The following SRI variants were observed in gnomAD, a reference collection of about 807,000 sequenced individuals.
SRI encodes the protein 22 kDa protein.
A neutral mutation model predicts 33.3 loss-of-function variants in SRI; 30 were observed. The ratio of observed to expected loss-of-function variants is 0.90; its 90% CI spans 0.67 to 1.22. The LOEUF (loss-of-function observed/expected upper bound fraction) is 1.22. Ranked by LOEUF, SRI falls within the 50% of genes most tolerant of loss-of-function variation. The pLI is 0.00. For synonymous variants in SRI, 75 were observed against 89.9 expected (o/e 0.83, Z 0.94); for missense variants, 243 against 250.8 (o/e 0.97, Z 0.21).
intron 3 of SRI, 40 bp downstream of exon 3, chr7:88,217,082 C>A (rs752409162): frequency 6.4e-7 from 1 of 1,573,148 alleles, no homozygotes; most frequent in Admixed American, 1.7e-5. Flanking sequence ...ATAGGAAACA[C>A]AAGAGTATAT....
intron 3 of SRI, chr7:88,216,858 A>G: frequency 2.0e-6 from 1 of 498,002 alleles, no homozygotes; most frequent in Non-Finnish European, 3.6e-6. Context: ...TACTGCAGCC[A>G]AAAACTCTTG....
chr7:88,216,772 TTTA>T (rs1252193899), intron 3 of SRI: 18 of 207,262 alleles, frequency 8.7e-5, no homozygotes, highest in East Asian at 2.5e-4. Flanking sequence ...GATGGAATAA[TTTA>T]TTATTATTAT....
upstream of SRI, among the ~76,000 whole-genome samples, chr7:88,220,596 G>A (rs1851868305): frequency 6.6e-6 from 1 of 152,160 alleles, no homozygotes; most frequent in Non-Finnish European, 1.5e-5. Flanking sequence ...GGAGAGTTTG[G>A]CTTGCTGTTG....
rs1233889794 is a variant in SRI at position 88,210,867 on chromosome 7, CAAAGT to C, written c.249+10_249+14del. The C allele has an allele frequency of 3.7e-6, 6 of 1,611,176 alleles. No individual in the cohort carries two copies. Among genetic ancestry groups the C allele is most frequent in the African/African-American group, 2.7e-5 (2 of 74,798 alleles). The stretch of plus-strand genomic sequence containing the variant: ...AGAAAAAATTATTCTAGACAACAAT[CAAAGT>C]AAAGGATACATCCAGCATTGAAACC... On this transcript the variant is annotated intron_variant, in intron 4 of 7. Transcript: ENST00000265729.
intron 2 of SRI, among the ~76,000 whole-genome samples, chr7:88,217,842 G>A (rs1851771185): frequency 6.6e-6 from 1 of 152,192 alleles, no homozygotes; most frequent in Admixed American, 6.5e-5. Flanking sequence ...ACATGCTGGA[G>A]GCACTGGCAA....
chr7:88,221,862 T>C (rs43103), upstream of SRI, among the ~76,000 whole-genome samples: 28,483 of 128,958 alleles, frequency 0.22, 3,802 homozygotes, highest in East Asian at 0.74. Flanking sequence ...CCACAGTCCC[T>C]AGAGTGTGAT....
chr7:88,226,636 A>ATG (rs1852003591), intron 1 of SRI, among the ~76,000 whole-genome samples: 1 of 152,220 alleles, frequency 6.6e-6, no homozygotes, highest in African/African-American at 2.4e-5. Flanking sequence ...GCATATATAT[A>ATG]AGTCAGCTAC....
chr7:88,210,502 C>T, intron 4 of SRI: 3 of 384,328 alleles, frequency 7.8e-6, no homozygotes, highest in Non-Finnish European at 1.5e-5. Flanking sequence ...TTGTTTAGTG[C>T]CCCCAGACAA....
chr7:88,206,135 C>T lies in SRI; in HGVS notation c.*343G>A, dbSNP rs536225336. On this transcript the variant is annotated 3_prime_UTR_variant, in exon 8 of 8. Transcript: ENST00000265729. ...GGAGAGGAAAGATAACAGCTGTAGTCTGATTAACAGTTTTTAGTGTCTCAC... is the reference window on the plus strand; with the variant it reads ...GGAGAGGAAAGATAACAGCTGTAGTTTGATTAACAGTTTTTAGTGTCTCAC... 2 of 320,880 alleles carry T rather than the reference C, an allele frequency of 6.2e-6. No homozygotes were observed. The highest frequency in any genetic ancestry group is 6.8e-5 in the East Asian group (1 of 14,662). 19.9% of individuals were successfully genotyped at this position (320,880 alleles called of 1,614,324 possible). A position where few individuals can be genotyped will look rare whatever the true frequency, so the allele number is the denominator to read the frequency against.
upstream of SRI, among the ~76,000 whole-genome samples, chr7:88,225,035 C>A (rs562122553): frequency 1.3e-5 from 2 of 152,296 alleles, no homozygotes; most frequent in African/African-American, 4.8e-5. Context: ...TCAGAGAAAG[C>A]AAACTCATTC....
At chr7:88,219,726 G>A (rs1265476387) in intron 1 of SRI, among the ~76,000 whole-genome samples, 16 of 152,154 alleles carry the variant, frequency 1.1e-4, no homozygotes, top group Admixed American at 3.9e-4. Context: ...CGCAGGGTGG[G>A]CTTCTAGGGT....
chr7:88,213,266 C>T (rs1251068578), intron 3 of SRI, among the ~76,000 whole-genome samples: 1 of 152,156 alleles, frequency 6.6e-6, no homozygotes, highest in Non-Finnish European at 1.5e-5. Flanking sequence ...CTATGCAAAA[C>T]CCAGTATCAG....
chr7:88,224,140 T>C (rs1393917771), upstream of SRI, among the ~76,000 whole-genome samples: 1 of 152,214 alleles, frequency 6.6e-6, no homozygotes, highest in Non-Finnish European at 1.5e-5. Context: ...CAGATGTAGA[T>C]ATTTCACCCT....
chr7:88,221,447 G>A (rs1851886032), upstream of SRI, among the ~76,000 whole-genome samples: 1 of 152,184 alleles, frequency 6.6e-6, no homozygotes, highest in South Asian at 2.1e-4. Flanking sequence ...GACATCTAAT[G>A]AGTCCCCTGG....
chr7:88,226,554 G>T (rs530470361), intron 1 of SRI, among the ~76,000 whole-genome samples: 8 of 152,324 alleles, frequency 5.3e-5, no homozygotes, highest in African/African-American at 1.9e-4. Flanking sequence ...TCTGGGGAAG[G>T]AAGAATGACT....
At chr7:88,224,463 T>A (rs1851954636), upstream of SRI, among the ~76,000 whole-genome samples, 2 of 152,004 alleles carry the variant, frequency 1.3e-5, no homozygotes, top group South Asian at 4.1e-4. Context: ...AGTTTCAATT[T>A]TTGTTTAGTT....
chr7:88,219,929 G>A, intron 1 of SRI, 47 bp downstream of exon 1: 1 of 1,534,146 alleles, frequency 6.5e-7, no homozygotes, highest in Non-Finnish European at 8.8e-7. Context: ...TGGCCTCTTA[G>A]CGCCCCGGAG....
At chr7:88,220,066 A>G, upstream of SRI, 3 of 1,500,212 alleles carry the variant, frequency 2.0e-6, no homozygotes, top group East Asian at 5.5e-5. Flanking sequence ...CCTGTGCGCC[A>G]GGCCTCTCCG....
rs1448110947 is a variant in SRI, at chr7:88,205,524, G to C, written c.*954C>G. The C allele has an allele frequency of 6.6e-6, 1 of 152,144 alleles. No individual in the cohort carries two copies. The highest frequency in any genetic ancestry group is 1.5e-5 in the Non-Finnish European group (1 of 68,030). The allele number at this position is 152,144 out of a possible 1,614,324, so 9.4% of individuals were successfully genotyped here. A position where few individuals can be genotyped will look rare whatever the true frequency, so the allele number is the denominator to read the frequency against. On this transcript the variant is annotated 3_prime_UTR_variant, in exon 8 of 8. Coordinates refer to ENST00000265729, the MANE Select transcript of SRI (RefSeq NM_003130.4). Reference sequence around the variant, plus strand: ...TTAAAAAATTCCTTCCATTATAAATGTAGTACCTGCTTACTGGAGAATGTT... The same window carrying C: ...TTAAAAAATTCCTTCCATTATAAATCTAGTACCTGCTTACTGGAGAATGTT...
Sources: gnomAD v4.1 joint callset for allele counts (sites outside exome capture counted in the v4.1 genomes callset) on GRCh38, gnomAD v4.1.1 for gene constraint, MANE v1.5 for transcripts, NCBI Gene and HGNC (gene_info 2026-07-23, HGNC 2026-07-21) for gene names.